The following ZNF652 variants were observed in gnomAD, a reference collection of about 807,000 sequenced individuals.
The protein encoded by ZNF652 is zinc finger protein 652.
A neutral mutation model predicts 45.2 loss-of-function variants in ZNF652; 16 were observed. The observed-to-expected ratio is 0.35, with a 90% CI of 0.24 to 0.54. The LOEUF (loss-of-function observed/expected upper bound fraction) is 0.54, where lower values mean the gene tolerates loss of function less well. Ranked by LOEUF, ZNF652 falls within the 20% of genes least tolerant of loss-of-function variation. The pLI, the probability that ZNF652 is intolerant of heterozygous loss-of-function variation, is 0.91. For synonymous variants in ZNF652, 250 were observed against 260.6 expected (o/e 0.96, Z 0.39); for missense variants, 614 against 765.6 (o/e 0.80, Z 2.34).
rs879943097 is a variant in ZNF652, at chr17:49,333,063, AT to A, written c.-258-15081del. On this transcript the variant is annotated intron_variant, in intron 1 of 5. Coordinates refer to ENST00000430262, the MANE Select transcript of ZNF652 (RefSeq NM_001145365.3). Reference sequence around the variant, plus strand: ...CTGAAAAAAATAATAAAATAAAATAATTTTTTTTTTTTGAGACAGAGTCTCG... The same window carrying A: ...CTGAAAAAAATAATAAAATAAAATAATTTTTTTTTTTGAGACAGAGTCTCG... 2.7e-3 allele frequency among the ~76,000 whole-genome samples: 392 copies of A among 146,472 alleles called. 2 individuals carry two copies. Among genetic ancestry groups the A allele is most frequent in the South Asian group, 0.024 (111 of 4,634 alleles).
chr17:49,333,118 C>T (rs186833519), intron 1 of ZNF652, among the ~76,000 whole-genome samples: 3,119 of 151,224 alleles, frequency 0.021, 50 homozygotes, highest in Non-Finnish European at 0.032. Context: ...AGTGCAGTGG[C>T]GCGATCTCAG....
rs1231234250 is a variant in ZNF652 at position 49,293,162 on chromosome 17, C to T, written c.*5251G>A. Among the ~76,000 whole-genome samples, 1 of 152,138 alleles carries T rather than the reference C, an allele frequency of 6.6e-6. No individual in the cohort carries two copies. The highest frequency in any genetic ancestry group is 1.5e-5 in the Non-Finnish European group (1 of 68,014). Reference sequence around the variant, plus strand: ...TAGAGTAACAAAGCAGAAAGAAAGCCACCTTGTAAGTAGTTTCTTACTACA... The same window carrying T: ...TAGAGTAACAAAGCAGAAAGAAAGCTACCTTGTAAGTAGTTTCTTACTACA... On this transcript the variant is annotated 3_prime_UTR_variant, in exon 6 of 6. Coordinates refer to ENST00000430262, the MANE Select transcript of ZNF652 (RefSeq NM_001145365.3).
intron 1 of ZNF652, among the ~76,000 whole-genome samples, chr17:49,334,257 G>A (rs1175010280): frequency 1.3e-5 from 2 of 152,176 alleles, no homozygotes; most frequent in Non-Finnish European, 2.9e-5. Context: ...GTGGTGGGAT[G>A]ATCACTTGAG....
At chr17:49,348,499 G>GAAAAGAAAAGAA (rs757205925) in intron 1 of ZNF652, among the ~76,000 whole-genome samples, 1,999 of 120,230 alleles carry the variant, frequency 0.017, 80 homozygotes, top group African/African-American at 0.054. Context: ...GAAAAGAAAA[G>GAAAAGAAAAGAA]AAAAGAAAAG....
chr17:49,327,769 ATATATATATATTTTT>A (rs1423769696), intron 1 of ZNF652, among the ~76,000 whole-genome samples: 3 of 4,572 alleles, frequency 6.6e-4, no homozygotes, highest in South Asian at 3.9e-3. Flanking sequence ...ATATATATAT[ATATATATATATTTTT>A]TTTTTTTTTT....
chr17:49,311,895 A>C (rs1337840798), intron 4 of ZNF652, 32 bp downstream of exon 4: 1 of 1,567,610 alleles, frequency 6.4e-7, no homozygotes, highest in African/African-American at 1.4e-5. Flanking sequence ...ACTAGCCCCT[A>C]GGCCTGGGCC....
intron 1 of ZNF652, among the ~76,000 whole-genome samples, chr17:49,336,016 T>C (rs1020040109): frequency 4.0e-5 from 6 of 150,814 alleles, no homozygotes; most frequent in Non-Finnish European, 7.4e-5. Context: ...ATATCTATTG[T>C]TACCTTTACT....
chr17:49,335,044 G>A (rs951402399), intron 1 of ZNF652, among the ~76,000 whole-genome samples: 7 of 152,056 alleles, frequency 4.6e-5, no homozygotes. Flanking sequence ...ATTAGACATA[G>A]GTGATGGTTG....
At chr17:49,300,718 T>C (rs2069541249) in intron 5 of ZNF652, among the ~76,000 whole-genome samples, 1 of 152,182 alleles carries the variant, frequency 6.6e-6, no homozygotes. Context: ...TTGCTGTCAC[T>C]TCCCTTGCTG....
intron 1 of ZNF652, among the ~76,000 whole-genome samples, chr17:49,339,997 G>C (rs2070127879): frequency 1.3e-5 from 2 of 152,110 alleles, no homozygotes; most frequent in Non-Finnish European, 2.9e-5. Context: ...TTCTCAAAGT[G>C]CCGGGATTAC....
rs1261729576 is a variant in ZNF652 at position 49,362,153 on chromosome 17, A to G, written c.-503T>C. 6.7e-6 allele frequency: 1 copy of G among 149,324 alleles called. No homozygotes were observed. Among genetic ancestry groups the G allele is most frequent in the Non-Finnish European group, 1.5e-5 (1 of 66,874 alleles). 9.2% of individuals were successfully genotyped at this position (149,324 alleles called of 1,614,324 possible). A position where few individuals can be genotyped will look rare whatever the true frequency, so the allele number is the denominator to read the frequency against. ...ACTCCCTTCCCAGCGCGCGAGGGCGAGCGGGGCCGGCGGGGCGGGCAGCGC... is the reference window on the plus strand; with the variant it reads ...ACTCCCTTCCCAGCGCGCGAGGGCGGGCGGGGCCGGCGGGGCGGGCAGCGC... On this transcript the variant is annotated 5_prime_UTR_variant, in exon 1 of 6. Coordinates refer to ENST00000430262, the MANE Select transcript of ZNF652 (RefSeq NM_001145365.3).
intron 1 of ZNF652, among the ~76,000 whole-genome samples, chr17:49,341,148 T>C (rs1001899701): frequency 1.3e-5 from 2 of 151,322 alleles, no homozygotes; most frequent in African/African-American, 4.9e-5. Context: ...GAGGTGGAGG[T>C]TGCAGTGAGC....
chr17:49,313,972 TC>T, intron 2 of ZNF652, among the ~76,000 whole-genome samples: 1 of 7,886 alleles, frequency 1.3e-4, no homozygotes, highest in South Asian at 4.0e-3. Context: ...AAACTCCATC[TC>T]AAAAAAAAAA....
In ZNF652 at chr17:49,317,627, T is replaced by C; in HGVS notation, c.99A>G (p.Pro33=). 6.2e-7 allele frequency: 1 copy of C among 1,614,110 alleles called. No individual in the cohort carries two copies. Residue 33 remains proline (P), a synonymous_variant, in exon 2 of 6, where the codon CCA becomes CCG. Transcript: ENST00000430262. ...GGTTGGCACCATGATAAAAGGAAGA[T>C]GGCACTTGACCACGACGGCTATCTT... ...AQEDSRRGQV[P]SSFYHGANQE...
At chr17:49,344,039 A>C (rs1325857897) in intron 1 of ZNF652, among the ~76,000 whole-genome samples, 2 of 152,070 alleles carry the variant, frequency 1.3e-5, no homozygotes, top group African/African-American at 4.8e-5. Flanking sequence ...TCTACTAAAA[A>C]ATACAAAAAA....
At chr17:49,342,564 G>T (rs74581952) in intron 1 of ZNF652, among the ~76,000 whole-genome samples, 2 of 138,136 alleles carry the variant, frequency 1.4e-5, no homozygotes, top group African/African-American at 2.6e-5. Flanking sequence ...AGGGGGGGGG[G>T]GGGGGGGAAT....
At chr17:49,326,167 C>T (rs2069953713) in intron 1 of ZNF652, among the ~76,000 whole-genome samples, 1 of 147,482 alleles carries the variant, frequency 6.8e-6, no homozygotes, top group Non-Finnish European at 1.5e-5. Flanking sequence ...AATCTCAGTA[C>T]TGTGGGAGGC....
intron 1 of ZNF652, among the ~76,000 whole-genome samples, chr17:49,323,858 G>C (rs1243026203): frequency 6.6e-6 from 1 of 152,202 alleles, no homozygotes; most frequent in Non-Finnish European, 1.5e-5. Context: ...CAGATGTGCT[G>C]TTATTCAGGC....
chr17:49,301,073 T>TC lies in ZNF652; in HGVS notation c.1310-2150dup, dbSNP rs532954032. Among the ~76,000 whole-genome samples the TC allele has an allele frequency of 9.4e-4, 143 of 152,266 alleles. 4 individuals carry two copies. The South Asian group carries it at 0.018, about 19-fold the overall frequency. On this transcript the variant is annotated intron_variant, in intron 5 of 5. Coordinates refer to ENST00000430262, the MANE Select transcript of ZNF652 (RefSeq NM_001145365.3). The stretch of plus-strand genomic sequence containing the variant: ...CTCATCTACTTTGGGACTCCTTTTT[T>TC]CCCACCCTCCAGGACCCCTTCTTAT...
Sources: gnomAD v4.1 joint callset for allele counts (sites outside exome capture counted in the v4.1 genomes callset) on GRCh38, gnomAD v4.1.1 for gene constraint, MANE v1.5 for transcripts, NCBI Gene and HGNC (gene_info 2026-07-23, HGNC 2026-07-21) for gene names.